Variants in STMP1 observed in about 807,000 individuals in gnomAD.
STMP1 encodes short transmembrane mitochondrial protein 1, also known as mitolamban.
Under a neutral mutation model 7.0 loss-of-function variants are expected in STMP1, and 7 were observed. The ratio of observed to expected loss-of-function variants is 1.01; its 90% CI spans 0.57 to 1.89. The LOEUF is 1.89. STMP1 is among the 40% of genes most tolerant of loss of function. The pLI is 0.00. For missense variants in STMP1, 45 were observed against 53.0 expected, an observed-to-expected ratio of 0.85 and a Z score of 0.47; for synonymous variants, 19 against 18.4, an observed-to-expected ratio of 1.03 and a Z score of -0.08.
chr7:135,671,877 T>C (rs1173366744), intron 1 of STMP1, among the ~76,000 whole-genome samples: 1 of 152,188 alleles, frequency 6.6e-6, no homozygotes, highest in Admixed American at 6.5e-5. Flanking sequence ...CTTGGAGAAG[T>C]CCCTTCCCAT....
rs1277278858 is a variant in STMP1 at position 135,676,144 on chromosome 7, C to A, written c.*1979C>A. The A allele has an allele frequency of 6.6e-6, 1 of 152,176 alleles. No individual in the cohort carries two copies. Among genetic ancestry groups the A allele is most frequent in the Non-Finnish European group, 1.5e-5 (1 of 68,036 alleles). 9.4% of individuals were successfully genotyped at this position (152,176 alleles called of 1,614,324 possible). The stretch of plus-strand genomic sequence containing the variant: ...GGCAAAGCTGGTCTCAAATTCCTGG[C>A]CTCAAGTGATCTGCCCACTTCAGCC... On this transcript the variant is annotated 3_prime_UTR_variant, in exon 3 of 3. Coordinates refer to ENST00000507606, the MANE Select transcript of STMP1 (RefSeq NM_001130929.2).
chr7:135,668,858 A>G (rs75077453), intron 1 of STMP1, among the ~76,000 whole-genome samples: 4,397 of 152,146 alleles, frequency 0.029, 91 homozygotes, highest in Middle Eastern at 0.099. Flanking sequence ...TTGATTTTCC[A>G]CATTCAGTTT....
intron 2 of STMP1, 46 bp downstream of exon 2, chr7:135,672,852 T>G: frequency 6.8e-7 from 1 of 1,476,456 alleles, no homozygotes; most frequent in Non-Finnish European, 9.3e-7. Flanking sequence ...GTAACTGTTT[T>G]AGAGTGACTT....
chr7:135,664,300 G>C (rs142862253), intron 1 of STMP1, among the ~76,000 whole-genome samples: 1 of 150,642 alleles, frequency 6.6e-6, no homozygotes, highest in East Asian at 1.9e-4. Context: ...TGGTTTTGCA[G>C]AATGAGTCTA....
At position 135,662,588 on chromosome 7, in the gene STMP1, G is replaced by T; in HGVS notation, c.9G>T (p.Gln3His). Reference sequence around the variant, plus strand: ...CCCTCCCCACCGACATCATGCTCCAGTTCCTGGTGAGTGGAGCTGCCGAAG... The same window carrying T: ...CCCTCCCCACCGACATCATGCTCCATTTCCTGGTGAGTGGAGCTGCCGAAG... ML[Q>H]FLLGFTLGNV... Residue 3 changes from glutamine (Q) to histidine (H), a missense_variant, in exon 1 of 3, where the codon CAG becomes CAT. Gln to His is a conservative substitution (Grantham distance 24). Transcript: ENST00000507606. The T allele has an allele frequency of 6.5e-7, 1 of 1,548,372 alleles. No homozygotes were observed. The highest frequency in any genetic ancestry group is 1.2e-5 in the South Asian group (1 of 83,906).
Position 135,674,304 on chromosome 7 carries a change from T to C in STMP1, c.*139T>C. On this transcript the variant is annotated 3_prime_UTR_variant, in exon 3 of 3. Transcript: ENST00000507606. Reference sequence around the variant, plus strand: ...TTTGCTAGACCCTGTGTTTTTTGCTTTAAAGCAAGCAAAATGGGGCCCCAA... The same window carrying C: ...TTTGCTAGACCCTGTGTTTTTTGCTCTAAAGCAAGCAAAATGGGGCCCCAA... The C allele has an allele frequency of 1.5e-6, 1 of 661,958 alleles. No homozygotes were observed. Among genetic ancestry groups the C allele is most frequent in the Non-Finnish European group, 2.5e-6 (1 of 402,524 alleles). The allele number at this position is 661,958 out of a possible 1,614,324, so 41.0% of individuals were successfully genotyped here.
intron 1 of STMP1, among the ~76,000 whole-genome samples, chr7:135,664,102 T>C (rs1225612030): frequency 6.6e-6 from 1 of 152,204 alleles, no homozygotes; most frequent in African/African-American, 2.4e-5. Context: ...GGAGTTTCTG[T>C]AGTGTCCTAA....
chr7:135,674,234 A>T lies in STMP1; in HGVS notation c.*69A>T. ...TCTTGAGGGCCTCGTTTACTATCTG[A>T]ACCAAAAGCTTTTGTTTTCGTCTCC... On this transcript the variant is annotated 3_prime_UTR_variant, in exon 3 of 3. Coordinates refer to ENST00000507606, the MANE Select transcript of STMP1 (RefSeq NM_001130929.2). 1 of 1,194,460 alleles carries T rather than the reference A, an allele frequency of 8.4e-7. No individual in the cohort carries two copies. Among genetic ancestry groups the T allele is most frequent in the South Asian group, 1.5e-5 (1 of 68,590 alleles). 74.0% of individuals were successfully genotyped at this position (1,194,460 alleles called of 1,614,324 possible).
intron 1 of STMP1, among the ~76,000 whole-genome samples, chr7:135,672,180 A>G (rs537454333): frequency 2.0e-5 from 3 of 152,302 alleles, no homozygotes; most frequent in Admixed American, 6.5e-5. Context: ...AGGTTTCACC[A>G]TGTTGGCCAG....
intron 1 of STMP1, among the ~76,000 whole-genome samples, chr7:135,671,988 T>G (rs566582056): frequency 6.6e-6 from 1 of 152,308 alleles, no homozygotes; most frequent in South Asian, 2.1e-4. Flanking sequence ...TATTTATTTA[T>G]TTTTATTTTG....
chr7:135,669,342 A>G (rs1030664458), intron 1 of STMP1, among the ~76,000 whole-genome samples: 1 of 152,234 alleles, frequency 6.6e-6, no homozygotes, highest in African/African-American at 2.4e-5. Flanking sequence ...CTTTTGTGTC[A>G]TTCATTTTGC....
chr7:135,664,058 G>T (rs1795266750), intron 1 of STMP1, among the ~76,000 whole-genome samples: 1 of 151,922 alleles, frequency 6.6e-6, no homozygotes, highest in Non-Finnish European at 1.5e-5. Context: ...TCCTTAATCT[G>T]CCCAGCTAAG....
At position 135,675,775 on chromosome 7, in the gene STMP1, G is replaced by C. The variant is rs1795407149; in HGVS notation, c.*1610G>C. The C allele has an allele frequency of 6.6e-6, 1 of 152,142 alleles. No homozygotes were observed. The highest frequency in any genetic ancestry group is 1.5e-5 in the Non-Finnish European group (1 of 68,016). 9.4% of individuals were successfully genotyped at this position (152,142 alleles called of 1,614,324 possible). A position where few individuals can be genotyped will look rare whatever the true frequency, so the allele number is the denominator to read the frequency against. On this transcript the variant is annotated 3_prime_UTR_variant, in exon 3 of 3. Transcript: ENST00000507606. ...CAGTGATGACATTGATTCTGTATAT[G>C]ATAAAGTGATTCTGCTTCTCTTTGA... is the stretch of plus-strand genomic sequence containing the variant.
chr7:135,669,736 G>A (rs1220475280), intron 1 of STMP1, among the ~76,000 whole-genome samples: 1 of 152,218 alleles, frequency 6.6e-6, no homozygotes, highest in African/African-American at 2.4e-5. Context: ...TCTCCAGCGA[G>A]GAGGTCTAAG....
intron 1 of STMP1, among the ~76,000 whole-genome samples, chr7:135,663,755 A>T (rs1342337074): frequency 6.6e-6 from 1 of 152,174 alleles, no homozygotes; most frequent in Admixed American, 6.5e-5. Flanking sequence ...CCTGGGTTTA[A>T]GCGATTCTCC....
chr7:135,664,748 A>T (rs1795275127), intron 1 of STMP1, among the ~76,000 whole-genome samples: 1 of 151,898 alleles, frequency 6.6e-6, no homozygotes, highest in South Asian at 2.1e-4. Context: ...TTTTTTTTTT[A>T]AATAAGTGGA....
At chr7:135,669,072 C>T (rs540963043) in intron 1 of STMP1, among the ~76,000 whole-genome samples, 2 of 152,318 alleles carry the variant, frequency 1.3e-5, no homozygotes, top group South Asian at 4.1e-4. Flanking sequence ...AGAGCTTGTG[C>T]AGGGGAACTC....
chr7:135,673,507 T>C (rs961988398), intron 2 of STMP1, among the ~76,000 whole-genome samples: 13 of 151,928 alleles, frequency 8.6e-5, no homozygotes, highest in Non-Finnish European at 5.9e-5. Context: ...ATGTCACATT[T>C]ATTGTTTATA....
intron 1 of STMP1, among the ~76,000 whole-genome samples, chr7:135,672,399 T>G (rs990959828): frequency 2.6e-5 from 4 of 152,238 alleles, no homozygotes; most frequent in Non-Finnish European, 5.9e-5. Flanking sequence ...AACTTTGGCT[T>G]GAGTTTCCAG....
Sources: gnomAD v4.1 joint callset for allele counts (sites outside exome capture counted in the v4.1 genomes callset) on GRCh38, gnomAD v4.1.1 for gene constraint, MANE v1.5 for transcripts, NCBI Gene and HGNC (gene_info 2026-07-23, HGNC 2026-07-21) for gene names.